MIPOL1: variants seen among roughly 807,000 people sequenced by gnomAD.
MIPOL1 encodes mirror-image polydactyly 1.
In MIPOL1, 57 loss-of-function variants were observed where a neutral mutation model predicts 60.9. That is an observed-to-expected ratio of 0.94 (90% CI 0.76 to 1.17). The LOEUF is 1.17. Ranked by LOEUF, MIPOL1 falls within the 50% of genes most tolerant of loss-of-function variation. The pLI is 0.00. For synonymous variants in MIPOL1, 179 were observed against 168.8 expected (o/e 1.06, Z -0.47); for missense variants, 551 against 511.6 (o/e 1.08, Z -0.74).
At chr14:37,403,496 G>T (rs918745348) in intron 10 of MIPOL1, among the ~76,000 whole-genome samples, 2 of 108,472 alleles carry the variant, frequency 1.8e-5, no homozygotes, top group Non-Finnish European at 3.4e-5. Flanking sequence ...GTCTGGTTTT[G>T]AACTCCTGGC....
chr14:37,482,020 G>T (rs936731099), intron 11 of MIPOL1, among the ~76,000 whole-genome samples: 11 of 151,866 alleles, frequency 7.2e-5, no homozygotes, highest in African/African-American at 2.7e-4. Flanking sequence ...ATATTATGTT[G>T]GTTTATTGGA....
intron 7 of MIPOL1, among the ~76,000 whole-genome samples, chr14:37,288,040 G>A (rs947303768): frequency 6.6e-6 from 1 of 152,158 alleles, no homozygotes; most frequent in African/African-American, 2.4e-5. Flanking sequence ...AGTTTATTGG[G>A]GCCAAGCTTG....
chr14:37,258,416 A>T (rs1418175772), intron 3 of MIPOL1, among the ~76,000 whole-genome samples: 2 of 152,110 alleles, frequency 1.3e-5, no homozygotes, highest in Non-Finnish European at 1.5e-5. Flanking sequence ...ACTTATACAA[A>T]TTATTCTAAT....
chr14:37,244,257 A>T (rs969727321), intron 1 of MIPOL1, among the ~76,000 whole-genome samples: 2 of 150,546 alleles, frequency 1.3e-5, no homozygotes, highest in Non-Finnish European at 3.0e-5. Flanking sequence ...GTAGCTGGGG[A>T]CTACAGGTGC....
intron 10 of MIPOL1, among the ~76,000 whole-genome samples, chr14:37,422,247 A>G (rs1047960833): frequency 1.3e-5 from 2 of 151,998 alleles, no homozygotes; most frequent in African/African-American, 4.8e-5. Flanking sequence ...ATGCCCCTTT[A>G]ATAAAGTATC....
At chr14:37,304,123 C>T (rs1298716246) in intron 7 of MIPOL1, among the ~76,000 whole-genome samples, 2 of 151,572 alleles carry the variant, frequency 1.3e-5, no homozygotes, top group African/African-American at 4.8e-5. Context: ...TTGGGGGCAT[C>T]GAGTATACGA....
At chr14:37,422,814 A>G (rs1282288663) in intron 10 of MIPOL1, 41 bp from the exon 11 acceptor site, 3 of 1,361,016 alleles carry the variant, frequency 2.2e-6, no homozygotes, top group Non-Finnish European at 3.1e-6. Context: ...TTATCATACC[A>G]AAATGAATAC....
chr14:37,407,126 T>C (rs902206260), intron 10 of MIPOL1, among the ~76,000 whole-genome samples: 2 of 152,116 alleles, frequency 1.3e-5, no homozygotes, highest in African/African-American at 4.8e-5. Flanking sequence ...AATAAAAATA[T>C]AGAGTTGTTA....
At chr14:37,223,765 T>G (rs1318145454) in intron 1 of MIPOL1, among the ~76,000 whole-genome samples, 2 of 152,106 alleles carry the variant, frequency 1.3e-5, no homozygotes, top group Non-Finnish European at 1.5e-5. Context: ...TCCCCCAGAG[T>G]GCTGGGATTA....
intron 11 of MIPOL1, among the ~76,000 whole-genome samples, chr14:37,480,933 G>A (rs926711821): frequency 6.6e-6 from 1 of 152,138 alleles, no homozygotes; most frequent in Non-Finnish European, 1.5e-5. Context: ...GAAGCCAGGA[G>A]TTCAAGACCA....
At chr14:37,543,400 C>T (rs112040074) in intron 12 of MIPOL1, among the ~76,000 whole-genome samples, 360 of 152,082 alleles carry the variant, frequency 2.4e-3, no homozygotes, top group African/African-American at 5.5e-3. Context: ...CTCAGCCTCC[C>T]GAATAGCTGG....
chr14:37,199,769 C>T (rs1364441830), intron 1 of MIPOL1, among the ~76,000 whole-genome samples: 1 of 152,174 alleles, frequency 6.6e-6, no homozygotes, highest in Non-Finnish European at 1.5e-5. Context: ...AGCTGATCCA[C>T]CTGCCTCAGC....
At chr14:37,367,099 T>A (rs2092496824) in intron 9 of MIPOL1, among the ~76,000 whole-genome samples, 1 of 152,094 alleles carries the variant, frequency 6.6e-6, no homozygotes, top group South Asian at 2.1e-4. Flanking sequence ...TTTATCTGCT[T>A]TATAACTATT....
chr14:37,315,195 G>T (rs1325614710), intron 9 of MIPOL1, among the ~76,000 whole-genome samples: 1 of 152,278 alleles, frequency 6.6e-6, no homozygotes, highest in Admixed American at 6.5e-5. Flanking sequence ...ATCCAGCTGT[G>T]CAGAGAGCTA....
chr14:37,205,077 T>C (rs940600704), intron 1 of MIPOL1, among the ~76,000 whole-genome samples: 4 of 152,010 alleles, frequency 2.6e-5, no homozygotes, highest in Non-Finnish European at 4.4e-5. Context: ...TTGAGAGAGA[T>C]GATTTAAGAT....
At chr14:37,372,348 G>T (rs1436248972) in intron 10 of MIPOL1, among the ~76,000 whole-genome samples, 1 of 152,008 alleles carries the variant, frequency 6.6e-6, no homozygotes, top group Non-Finnish European at 1.5e-5. Context: ...GTCTTTATTT[G>T]TTCTAATAAC....
At chr14:37,330,715 T>TTTA (rs2089604456) in intron 9 of MIPOL1, among the ~76,000 whole-genome samples, 1 of 151,360 alleles carries the variant, frequency 6.6e-6, no homozygotes, top group African/African-American at 2.4e-5. Flanking sequence ...TCTTCATTTT[T>TTTA]TTTTTTTTTG....
chr14:37,223,448 T>G (rs1220609191), intron 1 of MIPOL1, among the ~76,000 whole-genome samples: 1 of 152,164 alleles, frequency 6.6e-6, no homozygotes, highest in Non-Finnish European at 1.5e-5. Context: ...ATGAGGAGTT[T>G]CAAAAACTAT....
intron 9 of MIPOL1, among the ~76,000 whole-genome samples, chr14:37,316,505 A>G (rs1429164286): frequency 6.6e-6 from 1 of 151,944 alleles, no homozygotes; most frequent in Admixed American, 6.6e-5. Flanking sequence ...GGAAGTGCAG[A>G]CAGTGAATAC....
Sources: allele counts gnomAD v4.1 joint callset (sites outside exome capture counted in the v4.1 genomes callset), GRCh38; gene constraint gnomAD v4.1.1; transcripts MANE v1.5; gene names NCBI Gene and HGNC (gene_info 2026-07-23, HGNC 2026-07-21).